LMNB2: variants seen among roughly 807,000 people sequenced by gnomAD.
LMNB2 encodes lamin B2.
A neutral mutation model predicts 69.3 loss-of-function variants in LMNB2; 17 were observed. That is an observed-to-expected ratio of 0.25 (90% CI 0.17 to 0.37). The LOEUF is 0.37. LMNB2 is among the 10% of genes least tolerant of loss of function. The pLI, the probability that LMNB2 is intolerant of heterozygous loss-of-function variation, is 1.00. For missense variants in LMNB2, 789 were observed against 883.6 expected (o/e 0.89, Z 1.36); for synonymous variants, 397 against 389.3 (o/e 1.02, Z -0.23).
rs369386664 is a variant in LMNB2, at chr19:2,434,181, G to A, written c.1203-76C>T. Reference sequence around the variant, plus strand: ...CCAGGGCACGCAGAGTGGCGGCCACGGCCCGGCCCCACCTCCACCCCTGCC... The same window carrying A: ...CCAGGGCACGCAGAGTGGCGGCCACAGCCCGGCCCCACCTCCACCCCTGCC... On this transcript the variant is annotated intron_variant, in intron 7 of 11. Coordinates refer to ENST00000325327, the MANE Select transcript of LMNB2 (RefSeq NM_032737.4). The A allele has an allele frequency of 1.6e-4, 254 of 1,539,870 alleles. 1 individual carries two copies. In the African/African-American group the frequency reaches 2.5e-3, roughly 15 times the overall value.
Position 2,434,292 on chromosome 19 carries a change from C to T in LMNB2, c.1202+3G>A. The T allele has an allele frequency of 6.2e-7, 1 of 1,612,500 alleles. No individual in the cohort carries two copies. Among genetic ancestry groups the T allele is most frequent in the Non-Finnish European group, 8.5e-7 (1 of 1,179,866 alleles). ...TGCTCCCAAGCCTCCTGGCCTGCCG[C>T]ACCTCTCCTCCTCGCCCTCCAGGAG... On this transcript the variant is annotated splice_donor_region_variant and intron_variant, in intron 7 of 11. Transcript: ENST00000325327.
At position 2,434,973 on chromosome 19, in the gene LMNB2, C is replaced by T. The variant is rs780214353; in HGVS notation, c.855+28G>A. 1.6e-5 allele frequency: 25 copies of T among 1,595,376 alleles called. 1 individual carries two copies. The South Asian group carries it at 2.0e-4, about 13-fold the overall frequency. On this transcript the variant is annotated intron_variant, in intron 5 of 11. Transcript: ENST00000325327. ...GGCGGGGCGGGGTTCCCACCGGCCG[C>T]CCCCGCCCACCCGCCTGCCGGCCAC...
At position 2,447,815 on chromosome 19, in the gene LMNB2, G is replaced by A. The variant is rs1298852603; in HGVS notation, c.265-3275C>T. ...CCTTGGCAGTGACCGGGCCTCTTCT[G>A]AGGTGGGACCCTCAGCCTCAAACCA... On this transcript the variant is annotated intron_variant, in intron 1 of 11. Coordinates refer to ENST00000325327, the MANE Select transcript of LMNB2 (RefSeq NM_032737.4). The surrounding 1 kb of genome is among the most constrained non-coding windows in gnomAD (Gnocchi z 4.4). Among the ~76,000 whole-genome samples the A allele has an allele frequency of 6.6e-6, 1 of 152,210 alleles. No individual in the cohort carries two copies. The highest frequency in any genetic ancestry group is 1.5e-5 in the Non-Finnish European group (1 of 68,038).
In LMNB2 at chr19:2,437,114, C is replaced by G. The variant is rs1295436791; in HGVS notation, c.684+1049G>C. The G allele has an allele frequency of 2.0e-5, 3 of 153,534 alleles. No homozygotes were observed. In the East Asian group the frequency reaches 5.7e-4, roughly 29 times the overall value. 9.5% of individuals were successfully genotyped at this position (153,534 alleles called of 1,614,324 possible). A position where few individuals can be genotyped will look rare whatever the true frequency, so the allele number is the denominator to read the frequency against. Reference sequence around the variant, plus strand: ...CAGCTCCTGAGCGGCCTGGACATCCCTCCACCAGCAGCCAGCAGCTCTCCC... The same window carrying G: ...CAGCTCCTGAGCGGCCTGGACATCCGTCCACCAGCAGCCAGCAGCTCTCCC... On this transcript the variant is annotated intron_variant, in intron 4 of 11. Transcript: ENST00000325327.
chr19:2,438,706 C>G (rs1467490945), intron 2 of LMNB2, among the ~76,000 whole-genome samples, 175 bp from the exon 3 acceptor site: 4 of 152,238 alleles, frequency 2.6e-5, no homozygotes, highest in African/African-American at 9.6e-5. Flanking sequence ...CACACGTGCC[C>G]TCATCATCTG....
intron 11 of LMNB2, 69 bp downstream of exon 11, chr19:2,431,479 A>G (rs974161305): frequency 1.5e-5 from 24 of 1,602,980 alleles, no homozygotes; most frequent in Non-Finnish European, 2.0e-5. Context: ...ACGCATGTGT[A>G]TGTGTGTGCA....
At chr19:2,439,265 C>T (rs1237823892) in intron 2 of LMNB2, among the ~76,000 whole-genome samples, 1 of 151,994 alleles carries the variant, frequency 6.6e-6, no homozygotes, top group African/African-American at 2.4e-5. Flanking sequence ...ACTATATCCT[C>T]CCAAGAAACA....
intron 1 of LMNB2, among the ~76,000 whole-genome samples, chr19:2,451,172 C>G (rs1459685135): frequency 6.6e-6 from 1 of 152,110 alleles, no homozygotes; most frequent in Non-Finnish European, 1.5e-5. Context: ...TCGCCTGAAT[C>G]CGGGAGGCAG....
At chr19:2,446,433 G>A (rs1477902876) in intron 1 of LMNB2, among the ~76,000 whole-genome samples, 1 of 152,106 alleles carries the variant, frequency 6.6e-6, no homozygotes, top group Non-Finnish European at 1.5e-5. Flanking sequence ...CGGTGCCAGG[G>A]AAGGCGACCT....
At chr19:2,455,968 G>A (rs765056013) in intron 1 of LMNB2, among the ~76,000 whole-genome samples, 1 of 146,646 alleles carries the variant, frequency 6.8e-6, no homozygotes, top group South Asian at 2.2e-4. Flanking sequence ...GACCCTTCCC[G>A]GTCTGCACCC....
intron 1 of LMNB2, among the ~76,000 whole-genome samples, chr19:2,450,121 C>CATATATATATATATATATATAT (rs944605865): frequency 7.7e-5 from 11 of 142,420 alleles, no homozygotes; most frequent in African/African-American, 2.9e-4. Flanking sequence ...TATATATACA[C>CATATATATATATATATATATAT]ATATATATAT....
intron 4 of LMNB2, 109 bp from the exon 5 acceptor site, chr19:2,435,280 C>T (rs1971808766): frequency 6.9e-6 from 10 of 1,454,750 alleles, no homozygotes; most frequent in Non-Finnish European, 8.4e-6. Context: ...ATTCCTGGTT[C>T]CTTGTGCACA....
Position 2,428,715 on chromosome 19 carries a change from A to G in LMNB2, c.*2196T>C, listed in dbSNP as rs1236512969. 4 of 152,284 alleles carry G rather than the reference A, an allele frequency of 2.6e-5. No individual in the cohort carries two copies. 9.4% of individuals were successfully genotyped at this position (152,284 alleles called of 1,614,324 possible). On this transcript the variant is annotated 3_prime_UTR_variant, in exon 12 of 12. Transcript: ENST00000325327. ...AGAGGGATGGTTTCGCATCGTTCTA[A>G]GCGGCACACAGCTAAGCGTATTTGG...
chr19:2,444,826 G>A (rs1412210028), intron 1 of LMNB2, among the ~76,000 whole-genome samples: 4 of 152,174 alleles, frequency 2.6e-5, no homozygotes, highest in East Asian at 1.9e-4. Context: ...TGGAATGATC[G>A]TCTCTCCACG....
intron 9 of LMNB2, 70 bp downstream of exon 9, chr19:2,432,336 CAAGTCCTGTG>C: frequency 1.0e-6 from 1 of 988,416 alleles, no homozygotes. Flanking sequence ...CCACCCCCGC[CAAGTCCTGTG>C]CCTCCAGTCC....
intron 9 of LMNB2, 134 bp from the exon 10 acceptor site, chr19:2,432,036 C>A: frequency 8.5e-7 from 1 of 1,178,008 alleles, no homozygotes; most frequent in Non-Finnish European, 1.2e-6. Flanking sequence ...GCAGGCTTAT[C>A]CAGGGTGATG....
intron 7 of LMNB2, 52 bp downstream of exon 7, chr19:2,434,243 G>T: frequency 6.3e-7 from 1 of 1,591,208 alleles, no homozygotes; most frequent in Admixed American, 1.7e-5. Flanking sequence ...CTCTCCTCCT[G>T]CCCTGCCCCT....
At chr19:2,451,609 G>T (rs905970724) in intron 1 of LMNB2, among the ~76,000 whole-genome samples, 1 of 152,158 alleles carries the variant, frequency 6.6e-6, no homozygotes, top group Admixed American at 6.5e-5. Flanking sequence ...GGACAGGCTG[G>T]GCCTTTTCTT....
At chr19:2,452,167 A>C (rs1194047584) in intron 1 of LMNB2, among the ~76,000 whole-genome samples, 1 of 151,956 alleles carries the variant, frequency 6.6e-6, no homozygotes, top group Admixed American at 6.6e-5. Flanking sequence ...ATGGCGATTC[A>C]TCCACACCGC....
Sources: allele counts gnomAD v4.1 joint callset (sites outside exome capture counted in the v4.1 genomes callset), GRCh38; gene constraint gnomAD v4.1.1; non-coding constraint Gnocchi (gnomAD v3.1); transcripts MANE v1.5; gene names NCBI Gene and HGNC (gene_info 2026-07-23, HGNC 2026-07-21).